The following SAMD5 variants were observed in gnomAD, a reference collection of about 807,000 sequenced individuals.
SAMD5 encodes sterile alpha motif domain containing 5, also known as sterile alpha motif domain-containing protein 5.
SAMD5 carries 13 observed loss-of-function variants against 11.3 expected under a neutral mutation model. That is an observed-to-expected ratio of 1.15 (90% CI 0.75 to 1.83). SAMD5 has a LOEUF of 1.83. SAMD5 is among the 40% of genes most tolerant of loss of function. The probability of loss-of-function intolerance (pLI) is 0.00; values close to 1 mark genes in which losing one functional copy is unlikely to be tolerated. For missense variants in SAMD5, 255 were observed against 239.1 expected, an observed-to-expected ratio of 1.07 and a Z score of -0.44; for synonymous variants, 129 against 111.3, an observed-to-expected ratio of 1.16 and a Z score of -1.00.
chr6:147,517,340 TG>T (rs757356897), intron 1 of SAMD5, among the ~76,000 whole-genome samples: 4 of 152,190 alleles, frequency 2.6e-5, no homozygotes, highest in Non-Finnish European at 5.9e-5. Flanking sequence ...AAGAAACATT[TG>T]CCAGATGAAC....
At chr6:147,606,930 T>G (rs1344234765) in intron 1 of SAMD5, among the ~76,000 whole-genome samples, 1 of 145,236 alleles carries the variant, frequency 6.9e-6, no homozygotes, top group African/African-American at 2.6e-5. Flanking sequence ...AACTGTATTA[T>G]CCAAAGTCAT....
chr6:147,667,430 A>G (rs1316406061), intron 1 of SAMD5, among the ~76,000 whole-genome samples: 2 of 152,206 alleles, frequency 1.3e-5, no homozygotes, highest in Non-Finnish European at 2.9e-5. Flanking sequence ...TATAATGAGG[A>G]AGACTTAATG....
chr6:147,930,491 G>A, the SAMD5 span, among the ~76,000 whole-genome samples: 1 of 152,104 alleles, frequency 6.6e-6, no homozygotes, highest in South Asian at 2.1e-4. Flanking sequence ...AATATATAAA[G>A]AAAGGGAATT....
At chr6:147,745,321 G>A in the SAMD5 span, among the ~76,000 whole-genome samples, 3 of 151,990 alleles carry the variant, frequency 2.0e-5, no homozygotes, top group Admixed American at 6.6e-5. Context: ...CTATATGTTT[G>A]AAAATTTCCA....
intron 1 of SAMD5, among the ~76,000 whole-genome samples, chr6:147,538,140 C>T (rs1009911834): frequency 1.3e-5 from 2 of 152,152 alleles, no homozygotes; most frequent in Non-Finnish European, 2.9e-5. Context: ...GTTATTTGGA[C>T]ACATGGGCCC....
At chr6:147,817,432 A>G in the SAMD5 span, among the ~76,000 whole-genome samples, 2 of 152,250 alleles carry the variant, frequency 1.3e-5, no homozygotes, top group Non-Finnish European at 2.9e-5. Context: ...TTCTGATGCC[A>G]TGTGGCAAAG....
the SAMD5 span, among the ~76,000 whole-genome samples, chr6:147,817,113 C>T: frequency 6.6e-6 from 1 of 152,204 alleles, no homozygotes; most frequent in Non-Finnish European, 1.5e-5. Context: ...GCCAGGCTTC[C>T]CTTTTTTCAT....
chr6:147,947,371 G>A, the SAMD5 span: 1 of 152,184 alleles, frequency 6.6e-6, no homozygotes, highest in African/African-American at 2.4e-5. Context: ...TGTTCATTGA[G>A]AGAATACTGG....
the SAMD5 span, among the ~76,000 whole-genome samples, chr6:147,877,899 A>AGCTAGC: frequency 0.021 from 1,940 of 93,578 alleles, 32 homozygotes; most frequent in Middle Eastern, 0.03. Flanking sequence ...AGATAGCTAG[A>AGCTAGC]TAGATAGATA....
intron 1 of SAMD5, among the ~76,000 whole-genome samples, chr6:147,614,679 G>A (rs909016776): frequency 2.0e-5 from 3 of 151,882 alleles, no homozygotes; most frequent in Non-Finnish European, 4.4e-5. Context: ...GGGTGGGGAA[G>A]GGTTGGGGAT....
At chr6:147,596,327 C>A (rs868839499) in intron 1 of SAMD5, among the ~76,000 whole-genome samples, 2 of 152,158 alleles carry the variant, frequency 1.3e-5, no homozygotes, top group South Asian at 4.1e-4. Context: ...ATACTGTAAA[C>A]TTTCTTATAA....
the SAMD5 span, among the ~76,000 whole-genome samples, chr6:147,917,088 G>A: frequency 0.25 from 13,163 of 51,722 alleles, 2,245 homozygotes; most frequent in African/African-American, 0.47. Flanking sequence ...GGGATGGCTG[G>A]GTCAAATGGT....
chr6:147,679,526 C>A (rs1790911326), intron 1 of SAMD5, among the ~76,000 whole-genome samples: 1 of 151,890 alleles, frequency 6.6e-6, no homozygotes, highest in African/African-American at 2.4e-5. Context: ...TTGAGAATTC[C>A]ACAATGAATT....
At chr6:147,922,132 C>T in the SAMD5 span, among the ~76,000 whole-genome samples, 1 of 152,108 alleles carries the variant, frequency 6.6e-6, no homozygotes, top group Admixed American at 6.6e-5. Flanking sequence ...TGATTGAGGT[C>T]CCGCTCTGAG....
At chr6:147,575,085 A>T (rs531502964) in intron 1 of SAMD5, among the ~76,000 whole-genome samples, 8 of 152,352 alleles carry the variant, frequency 5.3e-5, no homozygotes, top group African/African-American at 1.7e-4. Context: ...ATAGATATTT[A>T]TGATTTATCA....
intron 1 of SAMD5, among the ~76,000 whole-genome samples, chr6:147,542,193 TAG>T (rs1788616365): frequency 2.6e-5 from 4 of 152,102 alleles, no homozygotes; most frequent in Non-Finnish European, 4.4e-5. Flanking sequence ...ACCCTGCCAG[TAG>T]AGAGAGTACC....
At chr6:147,611,699 A>G (rs1172573727) in intron 1 of SAMD5, among the ~76,000 whole-genome samples, 1 of 152,210 alleles carries the variant, frequency 6.6e-6, no homozygotes, top group Non-Finnish European at 1.5e-5. Context: ...GAGTTGAGCC[A>G]GTCTTGAGCT....
At chr6:147,557,113 A>T (rs1454194677) in intron 1 of SAMD5, among the ~76,000 whole-genome samples, 1 of 152,242 alleles carries the variant, frequency 6.6e-6, no homozygotes, top group Non-Finnish European at 1.5e-5. Flanking sequence ...TTTTTCATAC[A>T]TAATTTAAAG....
At chr6:147,743,654 T>C in the SAMD5 span, among the ~76,000 whole-genome samples, 4 of 152,254 alleles carry the variant, frequency 2.6e-5, no homozygotes, top group Admixed American at 2.0e-4. Context: ...TGTCTGCTTT[T>C]TCATCTCTTG....
Sources: allele counts gnomAD v4.1 joint callset (sites outside exome capture counted in the v4.1 genomes callset), GRCh38; gene constraint gnomAD v4.1.1; transcripts MANE v1.5; gene names NCBI Gene and HGNC (gene_info 2026-07-23, HGNC 2026-07-21).